The following IL4I1 variants were observed in gnomAD, a reference collection of about 807,000 sequenced individuals.
The protein encoded by IL4I1 is L-amino-acid oxidase.
A neutral mutation model predicts 29.7 loss-of-function variants in IL4I1; 24 were observed. That is an observed-to-expected ratio of 0.81 (90% CI 0.59 to 1.14). IL4I1 has a LOEUF of 1.14. IL4I1 is among the 50% of genes most tolerant of loss of function. The pLI, the probability that IL4I1 is intolerant of heterozygous loss-of-function variation, is 0.00. For synonymous variants in IL4I1, 371 were observed against 352.5 expected, an observed-to-expected ratio of 1.05 and a Z score of -0.59; for missense variants, 686 against 785.6, an observed-to-expected ratio of 0.87 and a Z score of 1.52.
chr19:49,918,900 GGGGGGGGGCGGGGTGT>G (rs1429964633), intron 2 of IL4I1, among the ~76,000 whole-genome samples: 37 of 148,580 alleles, frequency 2.5e-4, no homozygotes, highest in Middle Eastern at 3.4e-3. Flanking sequence ...GAGGCTGGGG[GGGGGGGGGCGGGGTGT>G]GGGGGGGCGG....
At chr19:49,924,448 C>T (rs368768531) in intron 2 of IL4I1, among the ~76,000 whole-genome samples, 1 of 152,172 alleles carries the variant, frequency 6.6e-6, no homozygotes, top group Non-Finnish European at 1.5e-5. Flanking sequence ...CAGAGAATCC[C>T]CGAACTCCCC....
intron 2 of IL4I1, among the ~76,000 whole-genome samples, chr19:49,920,837 G>A (rs950061223): frequency 2.0e-5 from 3 of 152,152 alleles, no homozygotes; most frequent in Non-Finnish European, 4.4e-5. Context: ...CGTGTGTGGC[G>A]GGGGAGGAAC....
intron 2 of IL4I1, among the ~76,000 whole-genome samples, chr19:49,925,427 C>A (rs952093766): frequency 6.9e-6 from 1 of 145,908 alleles, no homozygotes; most frequent in African/African-American, 2.6e-5. Context: ...AGACCCTCCC[C>A]CCCATCTCTA....
chr19:49,894,317 T>C lies in IL4I1; in HGVS notation c.518A>G (p.Gln173Arg), dbSNP rs1242026790. 6.2e-7 allele frequency: 1 copy of C among 1,614,182 alleles called. No homozygotes were observed. Among genetic ancestry groups the C allele is most frequent in the Non-Finnish European group, 8.5e-7 (1 of 1,180,026 alleles). ...GTCTTCGGGCGAGTGGCCCTTTTCC[T>C]GGGGACGCAAGGCGTAGCCCAGCTT... Reference protein sequence around the residue: ...PEKLGYALRPQEKGHSPEDIY... With the variant: ...PEKLGYALRPREKGHSPEDIY... Residue 173 changes from glutamine to arginine, a missense_variant, in exon 5 of 8, where the codon CAG becomes CGG. Transcript: ENST00000391826.
At chr19:49,897,456 T>A (rs2075225544), upstream of IL4I1, among the ~76,000 whole-genome samples, 1 of 137,466 alleles carries the variant, frequency 7.3e-6, no homozygotes, top group African/African-American at 2.8e-5. Flanking sequence ...TCTGTGGCTC[T>A]CGTCTACAGC....
At chr19:49,914,891 C>G (rs1386390199) in intron 2 of IL4I1, among the ~76,000 whole-genome samples, 3 of 151,778 alleles carry the variant, frequency 2.0e-5, no homozygotes, top group African/African-American at 7.3e-5. Flanking sequence ...AGGCGTGCAC[C>G]ACCATGCCCA....
At position 49,889,736 on chromosome 19, in the gene IL4I1, G is replaced by A. The variant is rs758879235; in HGVS notation, c.1638C>T (p.Gly546=). The A allele has an allele frequency of 1.3e-6, 2 of 1,516,652 alleles. No homozygotes were observed. The highest frequency in any genetic ancestry group is 1.8e-6 in the Non-Finnish European group (2 of 1,132,518). The allele number at this position is 1,516,652 out of a possible 1,614,324, so 93.9% of individuals were successfully genotyped here. ...SPSHDLAKEE[G]SHPPVQGQLS... Reference sequence around the variant, plus strand: ...ACTGGCCTTGGACTGGAGGGTGGCTGCCTTCTTCCTTTGCCAGGTCATGCG... The same window carrying A: ...ACTGGCCTTGGACTGGAGGGTGGCTACCTTCTTCCTTTGCCAGGTCATGCG... Residue 546 remains glycine (G), a synonymous_variant, in exon 8 of 8, where the codon GGC becomes GGT. Transcript: ENST00000391826.
upstream of IL4I1, among the ~76,000 whole-genome samples, chr19:49,899,851 G>A (rs1306785681): frequency 6.6e-6 from 1 of 152,042 alleles, no homozygotes; most frequent in East Asian, 1.9e-4. Context: ...CACCTCGCCC[G>A]GCCACACCTG....
upstream of IL4I1, among the ~76,000 whole-genome samples, chr19:49,897,835 G>A (rs1447884855): frequency 6.6e-6 from 1 of 152,166 alleles, no homozygotes; most frequent in African/African-American, 2.4e-5. Context: ...GGTTGGGTGG[G>A]GGTTGGAGGG....
intron 3 of IL4I1, 94 bp from the exon 4 acceptor site, chr19:49,895,274 C>T (rs2075192289): frequency 1.0e-6 from 1 of 989,576 alleles, no homozygotes; most frequent in Non-Finnish European, 1.5e-6. Flanking sequence ...CTGCCTTCTT[C>T]CATCCCCACA....
intron 5 of IL4I1, 142 bp downstream of exon 5, chr19:49,894,126 T>C: frequency 1.3e-6 from 1 of 745,818 alleles, no homozygotes; most frequent in Admixed American, 2.2e-5. Flanking sequence ...ATCCCCTTGG[T>C]AGAATTTCCA....
upstream of IL4I1, among the ~76,000 whole-genome samples, chr19:49,900,124 A>G (rs539655970): frequency 1.3e-5 from 2 of 152,276 alleles, no homozygotes; most frequent in African/African-American, 4.8e-5. Context: ...AGCATGAGCC[A>G]CTATGCCCGG....
chr19:49,890,779 T>G (rs1358975697), intron 7 of IL4I1, among the ~76,000 whole-genome samples, 179 bp from the exon 8 acceptor site: 2 of 151,732 alleles, frequency 1.3e-5, no homozygotes, highest in Non-Finnish European at 2.9e-5. Flanking sequence ...TAGTGGATTG[T>G]GTCACCAGGG....
At chr19:49,904,695 C>T (rs1411294598) in intron 2 of IL4I1, among the ~76,000 whole-genome samples, 1 of 151,726 alleles carries the variant, frequency 6.6e-6, no homozygotes, top group Non-Finnish European at 1.5e-5. Flanking sequence ...CACCACCACG[C>T]CGGGCTAATT....
At chr19:49,901,680 T>G, upstream of IL4I1, 1 of 1,540,660 alleles carries the variant, frequency 6.5e-7, no homozygotes, top group South Asian at 1.2e-5. Flanking sequence ...ACCCATGGCC[T>G]TTATGGTTAG....
In IL4I1 at chr19:49,894,415, C is replaced by T; in HGVS notation, c.420G>A (p.Gln140=). ...CCTCCGTCCACGTGTTCTTGTCGTA[C>T]TGGGTGAACTTGGTCAGGTTGAGCC... ...GLGLNLTKFT[Q]YDKNTWTEVH... The change falls in exon 5 of 8, where the codon CAG becomes CAA. Residue 140 remains glutamine, a synonymous_variant. Coordinates refer to ENST00000391826, the MANE Select transcript of IL4I1 (RefSeq NM_152899.2). 6.2e-7 allele frequency: 1 copy of T among 1,614,208 alleles called. No individual in the cohort carries two copies. The highest frequency in any genetic ancestry group is 1.3e-5 in the African/African-American group (1 of 75,050).
intron 3 of IL4I1, among the ~76,000 whole-genome samples, chr19:49,902,699 G>A (rs998788329): frequency 6.6e-6 from 1 of 151,912 alleles, no homozygotes; most frequent in South Asian, 2.1e-4. Flanking sequence ...GTGGTGGCGG[G>A]CACCTCTGTA....
chr19:49,923,525 G>A (rs1007488071), intron 2 of IL4I1, among the ~76,000 whole-genome samples: 11 of 152,292 alleles, frequency 7.2e-5, no homozygotes, highest in Non-Finnish European at 1.3e-4. Context: ...AGAAGCAGGC[G>A]TGGCGAGAAC....
At chr19:49,922,322 T>C (rs1172519856) in intron 2 of IL4I1, among the ~76,000 whole-genome samples, 2 of 152,074 alleles carry the variant, frequency 1.3e-5, no homozygotes, top group African/African-American at 4.8e-5. Flanking sequence ...GCTGGGGGCA[T>C]GGGGATTAGG....
Sources: allele counts gnomAD v4.1 joint callset (sites outside exome capture counted in the v4.1 genomes callset), GRCh38; gene constraint gnomAD v4.1.1; transcripts MANE v1.5; gene names NCBI Gene and HGNC (gene_info 2026-07-23, HGNC 2026-07-21).